Variants in EPHA6 observed in about 807,000 individuals in gnomAD.
EPHA6 encodes EPH receptor A6.
Under a neutral mutation model 112.0 loss-of-function variants are expected in EPHA6, and 50 were observed. The observed-to-expected ratio is 0.45, with a 90% CI of 0.36 to 0.56. The LOEUF is 0.56. EPHA6 is among the 20% of genes least tolerant of loss of function. The pLI is 0.00. For synonymous variants in EPHA6, 529 were observed against 490.7 expected (o/e 1.08, Z -1.03); for missense variants, 1,280 against 1,417.4 (o/e 0.90, Z 1.56).
Position 97,116,420 on chromosome 3 carries a change from C to T in EPHA6, c.1115-109844C>T, listed in dbSNP as rs78449730. Among the ~76,000 whole-genome samples, 479 of 151,718 alleles carry T rather than the reference C, an allele frequency of 3.2e-3. 4 individuals carry two copies. Among genetic ancestry groups the T allele is most frequent in the African/African-American group, 0.011 (463 of 41,480 alleles). ...CAGGTATACAATACAGTATTATTAA[C>T]TATAGTCATCATACTTTACAGTAGA... On this transcript the variant is annotated intron_variant, in intron 3 of 17. Transcript: ENST00000389672.
At chr3:97,358,965 G>A (rs904177550) in intron 5 of EPHA6, among the ~76,000 whole-genome samples, 3 of 149,432 alleles carry the variant, frequency 2.0e-5, no homozygotes, top group Admixed American at 6.7e-5. Flanking sequence ...CTTCTCTTTT[G>A]CTATTTATAA....
chr3:97,284,032 T>C (rs1252819182), intron 5 of EPHA6, among the ~76,000 whole-genome samples: 3 of 152,202 alleles, frequency 2.0e-5, no homozygotes, highest in Non-Finnish European at 4.4e-5. Flanking sequence ...CAAATTCTGC[T>C]GTGCACATTT....
intron 14 of EPHA6, among the ~76,000 whole-genome samples, chr3:97,678,439 C>G (rs944159332): frequency 6.6e-6 from 1 of 152,070 alleles, no homozygotes; most frequent in South Asian, 2.1e-4. Context: ...ACCCAGAAGA[C>G]GAGCGCTTCC....
intron 13 of EPHA6, among the ~76,000 whole-genome samples, chr3:97,633,716 C>A (rs2093922987): frequency 6.6e-6 from 1 of 152,066 alleles, no homozygotes; most frequent in Non-Finnish European, 1.5e-5. Flanking sequence ...TTATTTAATT[C>A]TGTCACCATT....
chr3:96,843,262 A>G (rs1309391536), intron 1 of EPHA6, among the ~76,000 whole-genome samples: 1 of 152,126 alleles, frequency 6.6e-6, no homozygotes, highest in Non-Finnish European at 1.5e-5. Flanking sequence ...CCTATTAACT[A>G]AAGAGGTGTT....
intron 3 of EPHA6, among the ~76,000 whole-genome samples, chr3:97,193,021 A>G (rs968371319): frequency 1.3e-5 from 2 of 152,058 alleles, no homozygotes; most frequent in African/African-American, 4.8e-5. Flanking sequence ...TGCCGACACT[A>G]TGCTGTTTTG....
At chr3:97,646,197 T>A in intron 14 of EPHA6, 1 of 1,535,640 alleles carries the variant, frequency 6.5e-7, no homozygotes, top group Non-Finnish European at 8.7e-7. Flanking sequence ...GCAGTGCGAG[T>A]CCAGCTCTGG....
At chr3:97,698,930 A>T (rs1193230800) in intron 14 of EPHA6, among the ~76,000 whole-genome samples, 1 of 152,246 alleles carries the variant, frequency 6.6e-6, no homozygotes, top group Non-Finnish European at 1.5e-5. Context: ...AAGAATTATT[A>T]TCTCTCATTT....
At chr3:97,709,125 A>C (rs531826684) in intron 14 of EPHA6, among the ~76,000 whole-genome samples, 1 of 145,518 alleles carries the variant, frequency 6.9e-6, no homozygotes, top group Non-Finnish European at 1.5e-5. Context: ...AAGACCCCAG[A>C]GTGTTACATA....
intron 8 of EPHA6, among the ~76,000 whole-genome samples, chr3:97,477,171 G>A (rs546507662): frequency 6.6e-6 from 1 of 152,162 alleles, no homozygotes; most frequent in East Asian, 1.9e-4. Flanking sequence ...AGGACAGAAA[G>A]CAAATTTTGG....
At chr3:97,548,968 A>G (rs1488059326) in intron 11 of EPHA6, among the ~76,000 whole-genome samples, 5 of 152,198 alleles carry the variant, frequency 3.3e-5, no homozygotes, top group East Asian at 3.8e-4. Context: ...CCATCCTAAT[A>G]TAGTGCAAAG....
chr3:97,637,893 A>C lies in EPHA6; in HGVS notation c.2595A>C (p.Thr865=), dbSNP rs781220100. The C allele has an allele frequency of 1.7e-5, 28 of 1,613,792 alleles. No individual in the cohort carries two copies. The African/African-American group carries it at 2.9e-4, about 17-fold the overall frequency. ...SFLRKHDGHF[T]VIQLVGMLRG... ...TGCAGAAGCATGATGGCCACTTCAC[A>C]GTCATCCAGTTGGTCGGAATGCTCC... The change falls in exon 14 of 18, where the codon ACA becomes ACC. Residue 865 remains threonine (T), a synonymous_variant. Transcript: ENST00000389672.
At chr3:97,370,745 T>C (rs1289066512) in intron 5 of EPHA6, among the ~76,000 whole-genome samples, 1 of 152,198 alleles carries the variant, frequency 6.6e-6, no homozygotes, top group East Asian at 1.9e-4. Context: ...TGCTAAGCTT[T>C]GTACTATGTG....
At chr3:96,824,765 A>T (rs1336591531) in intron 1 of EPHA6, among the ~76,000 whole-genome samples, 2 of 152,154 alleles carry the variant, frequency 1.3e-5, no homozygotes, top group African/African-American at 2.4e-5. Context: ...GTTCTTAAGG[A>T]TATAGGAATT....
intron 3 of EPHA6, among the ~76,000 whole-genome samples, chr3:97,127,053 CAG>C (rs1323452062): frequency 1.3e-5 from 2 of 151,860 alleles, no homozygotes; most frequent in African/African-American, 4.8e-5. Flanking sequence ...GAACAAAAAA[CAG>C]ATTAACAAGA....
intron 5 of EPHA6, among the ~76,000 whole-genome samples, chr3:97,289,770 T>C (rs140267824): frequency 1.3e-4 from 20 of 152,210 alleles, no homozygotes; most frequent in African/African-American, 4.6e-4. Flanking sequence ...CTTGTAGAGA[T>C]CTTTCACCTC....
intron 5 of EPHA6, among the ~76,000 whole-genome samples, chr3:97,339,947 C>T (rs773525166): frequency 1.3e-5 from 2 of 152,148 alleles, no homozygotes; most frequent in Non-Finnish European, 2.9e-5. Flanking sequence ...AGAACAAAAC[C>T]TTTCTGCCAA....
chr3:96,940,025 A>G (rs1001978492), intron 2 of EPHA6, among the ~76,000 whole-genome samples: 2 of 152,110 alleles, frequency 1.3e-5, no homozygotes, highest in Non-Finnish European at 2.9e-5. Context: ...ACTTCCAACT[A>G]TGTGGTTAAT....
At chr3:97,188,362 A>T (rs1477880074) in intron 3 of EPHA6, among the ~76,000 whole-genome samples, 1 of 152,052 alleles carries the variant, frequency 6.6e-6, no homozygotes, top group Non-Finnish European at 1.5e-5. Context: ...TTTAAAGTAG[A>T]CATTAAATTT....
Sources: gnomAD v4.1 joint callset for allele counts (sites outside exome capture counted in the v4.1 genomes callset) on GRCh38, gnomAD v4.1.1 for gene constraint, MANE v1.5 for transcripts, NCBI Gene and HGNC (gene_info 2026-07-23, HGNC 2026-07-21) for gene names.